EPHA6: variants seen among roughly 807,000 people sequenced by gnomAD.
The protein encoded by EPHA6 is ephrin type-A receptor 6.
EPHA6 carries 50 observed loss-of-function variants against 112.0 expected under a neutral mutation model. The observed-to-expected ratio is 0.45, with a 90% confidence interval of 0.36 to 0.56. The LOEUF (loss-of-function observed/expected upper bound fraction) is 0.56. Among genes scored for constraint, EPHA6 ranks in the 20% least tolerant of loss-of-function variants. EPHA6 has a pLI of 0.00. For missense variants in EPHA6, 1,280 were observed against 1,417.4 expected (o/e 0.90, Z 1.56); for synonymous variants, 529 against 490.7 (o/e 1.08, Z -1.03).
intron 3 of EPHA6, among the ~76,000 whole-genome samples, chr3:97,187,239 G>T (rs1309917786): frequency 6.6e-6 from 1 of 152,012 alleles, no homozygotes; most frequent in Non-Finnish European, 1.5e-5. Context: ...AAGAAAAATA[G>T]AAAAATTAGA....
intron 11 of EPHA6, among the ~76,000 whole-genome samples, chr3:97,535,011 T>G (rs2092743761): frequency 6.6e-6 from 1 of 151,434 alleles, no homozygotes; most frequent in African/African-American, 2.4e-5. Context: ...GCCTTTCTCC[T>G]TATATGTGAA....
At chr3:97,644,905 A>G (rs2094044270) in intron 14 of EPHA6, among the ~76,000 whole-genome samples, 1 of 152,140 alleles carries the variant, frequency 6.6e-6, no homozygotes, top group Admixed American at 6.5e-5. Context: ...TCCAATCAGT[A>G]AAAAAGAGGG....
intron 2 of EPHA6, among the ~76,000 whole-genome samples, chr3:96,967,685 T>G (rs2042174483): frequency 7.0e-6 from 1 of 143,684 alleles, no homozygotes; most frequent in Non-Finnish European, 1.5e-5. Context: ...GTAACAGTTG[T>G]GTGTGTGTGT....
At chr3:97,233,158 C>T (rs1339988509) in intron 4 of EPHA6, among the ~76,000 whole-genome samples, 2 of 152,130 alleles carry the variant, frequency 1.3e-5, no homozygotes, top group Non-Finnish European at 2.9e-5. Flanking sequence ...ACCTGACCAT[C>T]ACCTGGTCAT....
chr3:96,824,932 A>G (rs1356015436), intron 1 of EPHA6, among the ~76,000 whole-genome samples: 1 of 151,844 alleles, frequency 6.6e-6, no homozygotes, highest in Non-Finnish European at 1.5e-5. Context: ...TTGAAGAGGT[A>G]TAGCTGAAAT....
intron 10 of EPHA6, among the ~76,000 whole-genome samples, chr3:97,529,813 A>G (rs1408093834): frequency 6.6e-6 from 1 of 152,044 alleles, no homozygotes; most frequent in African/African-American, 2.4e-5. Context: ...AAACAGCTTG[A>G]TCATGCAAAG....
At chr3:97,429,054 A>G (rs1250098563) in intron 6 of EPHA6, among the ~76,000 whole-genome samples, 4 of 152,138 alleles carry the variant, frequency 2.6e-5, no homozygotes, top group African/African-American at 9.7e-5. Flanking sequence ...AACATCATTT[A>G]AGGGTTGGCT....
At chr3:97,131,571 A>C (rs979242181) in intron 3 of EPHA6, among the ~76,000 whole-genome samples, 5 of 152,284 alleles carry the variant, frequency 3.3e-5, no homozygotes, top group African/African-American at 9.6e-5. Context: ...TATTTATCAC[A>C]GAGTTACTTC....
intron 15 of EPHA6, 37 bp from the exon 16 acceptor site, chr3:97,735,887 TA>T: frequency 2.0e-6 from 3 of 1,466,752 alleles, no homozygotes; most frequent in Non-Finnish European, 2.7e-6. Context: ...TATTACTGCC[TA>T]AAAATAAGAG....
At chr3:97,542,171 C>T (rs927471781) in intron 11 of EPHA6, among the ~76,000 whole-genome samples, 9 of 151,762 alleles carry the variant, frequency 5.9e-5, no homozygotes, top group Non-Finnish European at 1.3e-4. Flanking sequence ...ATACATGTGC[C>T]ATGTTGGTGT....
chr3:97,598,029 T>C lies in EPHA6; in HGVS notation c.2512+5292T>C, dbSNP rs527990296. ...GGAAAGTCAACAGTGGAAAAGTATATGCATTTTAAATATGATCAAATTGCA... is the reference window on the plus strand; with the variant it reads ...GGAAAGTCAACAGTGGAAAAGTATACGCATTTTAAATATGATCAAATTGCA... On this transcript the variant is annotated intron_variant, in intron 12 of 17. Transcript: ENST00000389672. Among the ~76,000 whole-genome samples, 15 of 152,320 alleles carry C rather than the reference T, an allele frequency of 9.8e-5. No homozygotes were observed. In the East Asian group the frequency reaches 2.7e-3, roughly 27 times the overall value.
intron 5 of EPHA6, among the ~76,000 whole-genome samples, chr3:97,245,708 C>A (rs2078969021): frequency 6.6e-6 from 1 of 151,666 alleles, no homozygotes; most frequent in Non-Finnish European, 1.5e-5. Flanking sequence ...GTTGCCAGGG[C>A]TTAGAGATTT....
At chr3:96,923,909 A>T (rs1010364261) in intron 2 of EPHA6, among the ~76,000 whole-genome samples, 6 of 152,042 alleles carry the variant, frequency 3.9e-5, no homozygotes. Flanking sequence ...TGCTTGTTTT[A>T]GTCGGGTTTG....
At chr3:96,855,969 C>T (rs1045564915) in intron 1 of EPHA6, among the ~76,000 whole-genome samples, 1 of 152,076 alleles carries the variant, frequency 6.6e-6, no homozygotes. Flanking sequence ...AATCACAGCA[C>T]TTTGGGAGGC....
intron 1 of EPHA6, among the ~76,000 whole-genome samples, chr3:96,852,197 T>A (rs1398514275): frequency 2.6e-5 from 4 of 151,982 alleles, no homozygotes; most frequent in African/African-American, 7.2e-5. Flanking sequence ...CAGTGCTACA[T>A]CAAGAGGGTG....
At chr3:97,257,521 A>G (rs1041196822) in intron 5 of EPHA6, among the ~76,000 whole-genome samples, 2 of 151,972 alleles carry the variant, frequency 1.3e-5, no homozygotes, top group African/African-American at 4.8e-5. Flanking sequence ...GGACTCGTTG[A>G]TTTTTCTTTG....
intron 14 of EPHA6, among the ~76,000 whole-genome samples, chr3:97,716,101 A>G (rs1176057412): frequency 1.3e-5 from 2 of 152,212 alleles, no homozygotes; most frequent in South Asian, 2.1e-4. Flanking sequence ...TTTCAAATCT[A>G]AAGTACTATT....
chr3:97,012,514 A>G lies in EPHA6; in HGVS notation c.1114+24521A>G, dbSNP rs564652575. 2.5e-4 allele frequency among the ~76,000 whole-genome samples: 37 copies of G among 148,306 alleles called. No individual in the cohort carries two copies. The East Asian group carries it at 6.6e-3, about 27-fold the overall frequency. ...ATTATGTATATTCATATATATATGT[A>G]TGTATATTCATATATATTTTTATAT... On this transcript the variant is annotated intron_variant, in intron 3 of 17. Coordinates refer to ENST00000389672, the MANE Select transcript of EPHA6 (RefSeq NM_001080448.3).
At chr3:97,569,087 G>A (rs376884555) in intron 11 of EPHA6, among the ~76,000 whole-genome samples, 3 of 152,084 alleles carry the variant, frequency 2.0e-5, no homozygotes, top group African/African-American at 7.2e-5. Flanking sequence ...AGATATGAAG[G>A]CCCCAAATCA....
Sources: gnomAD v4.1 joint callset for allele counts (sites outside exome capture counted in the v4.1 genomes callset) on GRCh38, gnomAD v4.1.1 for gene constraint, MANE v1.5 for transcripts, NCBI Gene and HGNC (gene_info 2026-07-23, HGNC 2026-07-21) for gene names.